The following TXNDC12 variants were observed in gnomAD, a reference collection of about 807,000 sequenced individuals.
TXNDC12 encodes thioredoxin domain containing 12.
TXNDC12 carries 22 observed loss-of-function variants against 24.2 expected under a neutral mutation model. The observed-to-expected ratio is 0.91, with a 90% CI of 0.65 to 1.30. The LOEUF (loss-of-function observed/expected upper bound fraction) is 1.30, where lower values mean the gene tolerates loss of function less well. TXNDC12 is among the 50% of genes most tolerant of loss of function. The pLI is 0.00. For missense variants in TXNDC12, 184 were observed against 205.8 expected, an observed-to-expected ratio of 0.89 and a Z score of 0.65; for synonymous variants, 58 against 73.4, an observed-to-expected ratio of 0.79 and a Z score of 1.07.
In TXNDC12 at chr1:52,020,825, T is replaced by G; in HGVS notation, c.*108A>C. 1.4e-4 allele frequency: 123 copies of G among 863,648 alleles called. No individual in the cohort carries two copies. Among genetic ancestry groups the G allele is most frequent in the Middle Eastern group, 2.2e-4 (1 of 4,498 alleles). The allele number at this position is 863,648 out of a possible 1,614,324, so 53.5% of individuals were successfully genotyped here. Reference sequence around the variant, plus strand: ...GCGCTCCTTCCAGTGTAGGTAGGAATGAGGTTTCCTGGTCGGCTTAATTGT... The same window carrying G: ...GCGCTCCTTCCAGTGTAGGTAGGAAGGAGGTTTCCTGGTCGGCTTAATTGT... On this transcript the variant is annotated 3_prime_UTR_variant, in exon 7 of 7. Transcript: ENST00000371626.
chr1:52,034,130 T>A (rs1685839107), intron 2 of TXNDC12: 1 of 1,073,636 alleles, frequency 9.3e-7, no homozygotes, highest in Non-Finnish European at 1.2e-6. Context: ...TGGTTCTCCT[T>A]CATTCCTCCT....
chr1:52,029,870 T>C (rs960856432), intron 2 of TXNDC12, among the ~76,000 whole-genome samples: 14 of 152,194 alleles, frequency 9.2e-5, no homozygotes, highest in African/African-American at 3.4e-4. Context: ...GTAAACCAAA[T>C]GAGCAGGGCA....
intron 2 of TXNDC12, among the ~76,000 whole-genome samples, chr1:52,029,055 G>GCCTTA (rs2124363637): frequency 6.6e-6 from 1 of 152,280 alleles, no homozygotes; most frequent in East Asian, 1.9e-4. Context: ...TTAAGCCTGG[G>GCCTTA]AGGCAGAGGT....
At position 52,020,536 on chromosome 1, in the gene TXNDC12, T is replaced by C. The variant is rs1448012998; in HGVS notation, c.*397A>G. 8.0e-6 allele frequency: 2 copies of C among 250,254 alleles called. No individual in the cohort carries two copies. The highest frequency in any genetic ancestry group is 8.4e-5 in the East Asian group (1 of 11,916). 15.5% of individuals were successfully genotyped at this position (250,254 alleles called of 1,614,324 possible). On this transcript the variant is annotated 3_prime_UTR_variant, in exon 7 of 7. Coordinates refer to ENST00000371626, the MANE Select transcript of TXNDC12 (RefSeq NM_015913.4). ...TAATGATAAGCTACTTCTGCAATTT[T>C]AACGTTGTAGAAAAGATGCTACTAG...
intron 4 of TXNDC12, 73 bp from the exon 5 acceptor site, chr1:52,024,652 C>T (rs1685648126): frequency 3.2e-6 from 4 of 1,254,140 alleles, no homozygotes; most frequent in South Asian, 2.6e-5. Flanking sequence ...GTGGCTTCCC[C>T]ACTTGTCAGG....
chr1:52,053,685 C>CAA (rs60974198), intron 1 of TXNDC12, among the ~76,000 whole-genome samples: 1 of 149,882 alleles, frequency 6.7e-6, no homozygotes, highest in African/African-American at 2.4e-5. Context: ...AAAACAACAA[C>CAA]AAAAAAAAAC....
At chr1:52,053,761 C>T (rs768984403) in intron 1 of TXNDC12, among the ~76,000 whole-genome samples, 1 of 152,202 alleles carries the variant, frequency 6.6e-6, no homozygotes, top group Non-Finnish European at 1.5e-5. Flanking sequence ...ATTTGTCATG[C>T]AGTTTCATCA....
Position 52,045,498 on chromosome 1 carries a change from T to C in TXNDC12, c.98-3901A>G, listed in dbSNP as rs572922428. Among the ~76,000 whole-genome samples the C allele has an allele frequency of 5.3e-5, 8 of 152,284 alleles. No homozygotes were observed. In the South Asian group the frequency reaches 1.0e-3, roughly 20 times the overall value. On this transcript the variant is annotated intron_variant, in intron 1 of 6. Coordinates refer to ENST00000371626, the MANE Select transcript of TXNDC12 (RefSeq NM_015913.4). ...TTAAAGGGAAGATCATGTGAAGACA[T>C]AGAAGACAGCCATCCACAAGAAGAA...
intron 2 of TXNDC12, among the ~76,000 whole-genome samples, chr1:52,031,740 A>G (rs1685765008): frequency 6.6e-6 from 1 of 152,124 alleles, no homozygotes. Flanking sequence ...TGGACTCCCA[A>G]AGTGCTGGGA....
In TXNDC12 at chr1:52,048,298, C is replaced by T. The variant is rs115556769; in HGVS notation, c.98-6701G>A. Among the ~76,000 whole-genome samples, 1,344 of 152,072 alleles carry T rather than the reference C, an allele frequency of 8.8e-3. 11 individuals are homozygous for T. The highest frequency in any genetic ancestry group is 0.029 in the African/African-American group (1,183 of 41,480). On this transcript the variant is annotated intron_variant, in intron 1 of 6. Transcript: ENST00000371626. Reference sequence around the variant, plus strand: ...TGGGCAACATAGAGAAACCTCACCTCTACAAAAAAATTTAAAAATTAGCTG... The same window carrying T: ...TGGGCAACATAGAGAAACCTCACCTTTACAAAAAAATTTAAAAATTAGCTG...
chr1:52,023,354 G>T, intron 6 of TXNDC12, 137 bp downstream of exon 6: 2 of 654,164 alleles, frequency 3.1e-6, no homozygotes, highest in South Asian at 3.6e-5. Flanking sequence ...ATCCTACACA[G>T]GATCTGGCCA....
intron 1 of TXNDC12, among the ~76,000 whole-genome samples, chr1:52,050,300 C>T (rs972075387): frequency 6.6e-6 from 1 of 152,230 alleles, no homozygotes; most frequent in African/African-American, 2.4e-5. Flanking sequence ...CACTAACACT[C>T]CCACCTGTGC....
chr1:52,055,904 G>A (rs1686335083), upstream of TXNDC12: 4 of 152,188 alleles, frequency 2.6e-5, no homozygotes, highest in Admixed American at 2.6e-4. Flanking sequence ...TGTAGCTTGA[G>A]GATTTCTTCC....
At chr1:52,037,396 G>A (rs1159319471) in intron 2 of TXNDC12, among the ~76,000 whole-genome samples, 1 of 152,020 alleles carries the variant, frequency 6.6e-6, no homozygotes, top group Non-Finnish European at 1.5e-5. Context: ...ATTTTTAGTA[G>A]AGACTGGGTT....
chr1:52,047,038 G>GT (rs1686109008), intron 1 of TXNDC12, among the ~76,000 whole-genome samples: 1 of 151,870 alleles, frequency 6.6e-6, no homozygotes, highest in African/African-American at 2.4e-5. Context: ...GTGAGACTCT[G>GT]TCTCTAAAAG....
At chr1:52,039,088 CAA>C (rs56219938) in intron 2 of TXNDC12, among the ~76,000 whole-genome samples, 2 of 81,698 alleles carry the variant, frequency 2.4e-5, no homozygotes, top group Non-Finnish European at 2.2e-5. Flanking sequence ...GACACCGTCT[CAA>C]AAAAAAAAAA....
upstream of TXNDC12, chr1:52,055,413 C>T (rs1686322807): frequency 5.1e-5 from 15 of 292,268 alleles, no homozygotes; most frequent in South Asian, 4.3e-4. Flanking sequence ...ATAGTAGGGG[C>T]GGGGGAGAGG....
chr1:52,042,991 C>T, intron 1 of TXNDC12, among the ~76,000 whole-genome samples: 1 of 152,186 alleles, frequency 6.6e-6, no homozygotes, highest in East Asian at 1.9e-4. Context: ...AACTCCTGAG[C>T]TCAGGTGATC....
chr1:52,033,772 AGCGACCATTGGCAACC>A, intron 2 of TXNDC12: 1 of 1,569,358 alleles, frequency 6.4e-7, no homozygotes, highest in East Asian at 2.3e-5. Context: ...CCTCTCAGGG[AGCGACCATTGGCAACC>A]GCGCTGCGCC....
Sources: allele counts gnomAD v4.1 joint callset (sites outside exome capture counted in the v4.1 genomes callset), GRCh38; gene constraint gnomAD v4.1.1; transcripts MANE v1.5; gene names NCBI Gene and HGNC (gene_info 2026-07-23, HGNC 2026-07-21).